The following CNBD1 variants were observed in gnomAD, a reference collection of about 807,000 sequenced individuals.
CNBD1 encodes cyclic nucleotide binding domain containing 1, also known as cyclic nucleotide-binding domain-containing protein 1.
Under a neutral mutation model 54.4 loss-of-function variants are expected in CNBD1, and 71 were observed. The observed-to-expected ratio is 1.30, with a 90% confidence interval of 1.08 to 1.59. CNBD1 has a LOEUF of 1.59. CNBD1 is among the 40% of genes most tolerant of loss of function. The pLI is 0.00. For missense variants in CNBD1, 659 were observed against 518.0 expected (o/e 1.27, Z -2.64); for synonymous variants, 182 against 170.7 (o/e 1.07, Z -0.51).
intron 8 of CNBD1, among the ~76,000 whole-genome samples, chr8:87,303,567 A>C (rs1443032326): frequency 3.3e-5 from 5 of 152,216 alleles, no homozygotes; most frequent in Admixed American, 2.0e-4. Context: ...CATTCAGGAC[A>C]TAGGCATGGG....
chr8:87,199,522 AT>A (rs1342031930), intron 4 of CNBD1, among the ~76,000 whole-genome samples: 2 of 152,128 alleles, frequency 1.3e-5, no homozygotes, highest in Non-Finnish European at 2.9e-5. Context: ...CTTTATTATT[AT>A]TTTTTTGTGA....
At chr8:87,247,987 C>G (rs1807841658) in intron 6 of CNBD1, among the ~76,000 whole-genome samples, 1 of 152,150 alleles carries the variant, frequency 6.6e-6, no homozygotes. Flanking sequence ...GTCATGGAAG[C>G]CACTTCATCC....
At chr8:87,266,181 A>T (rs570079355) in intron 6 of CNBD1, among the ~76,000 whole-genome samples, 1 of 152,038 alleles carries the variant, frequency 6.6e-6, no homozygotes, top group South Asian at 2.1e-4. Flanking sequence ...ATGCAATTCC[A>T]TTGGAAAAAA....
chr8:86,922,208 T>A (rs1226310055), intron 3 of CNBD1, among the ~76,000 whole-genome samples: 6 of 152,128 alleles, frequency 3.9e-5, no homozygotes, highest in Non-Finnish European at 8.8e-5. Context: ...AAGTTGGTAG[T>A]TGTCACCAGA....
At chr8:87,091,036 A>G (rs1206401014) in intron 4 of CNBD1, among the ~76,000 whole-genome samples, 2 of 149,702 alleles carry the variant, frequency 1.3e-5, no homozygotes, top group Non-Finnish European at 3.0e-5. Flanking sequence ...GCTACTCGGG[A>G]GGCTGAGGCA....
At chr8:87,302,537 T>A (rs1408942501) in intron 8 of CNBD1, among the ~76,000 whole-genome samples, 2 of 151,772 alleles carry the variant, frequency 1.3e-5, no homozygotes, top group East Asian at 3.9e-4. Flanking sequence ...ATATCCTGAA[T>A]GGGCAAAAAC....
At chr8:87,017,475 A>G (rs187996933) in intron 4 of CNBD1, among the ~76,000 whole-genome samples, 49 of 152,312 alleles carry the variant, frequency 3.2e-4, no homozygotes, top group African/African-American at 1.1e-3. Context: ...CTGCTTTGCT[A>G]TGGAATATTA....
chr8:87,228,406 C>T (rs1758581256), intron 5 of CNBD1, among the ~76,000 whole-genome samples: 1 of 148,852 alleles, frequency 6.7e-6, no homozygotes, highest in South Asian at 2.1e-4. Context: ...TGGTGATGTA[C>T]AGATGGGTTT....
At chr8:87,257,802 C>G (rs558319220) in intron 6 of CNBD1, among the ~76,000 whole-genome samples, 1 of 152,196 alleles carries the variant, frequency 6.6e-6, no homozygotes, top group Admixed American at 6.5e-5. Flanking sequence ...TCAGTATCAG[C>G]TGGTTTAACA....
chr8:86,937,250 G>A (rs920692916), intron 3 of CNBD1, among the ~76,000 whole-genome samples: 2 of 152,122 alleles, frequency 1.3e-5, no homozygotes, highest in Non-Finnish European at 2.9e-5. Context: ...CATGAGAACA[G>A]CATGGGAAAG....
At chr8:87,174,054 G>A (rs1340176008) in intron 4 of CNBD1, among the ~76,000 whole-genome samples, 1 of 151,986 alleles carries the variant, frequency 6.6e-6, no homozygotes, top group Non-Finnish European at 1.5e-5. Flanking sequence ...CACCTCCTAG[G>A]TTCAAGCAAT....
intron 2 of CNBD1, among the ~76,000 whole-genome samples, chr8:86,895,239 G>C (rs181602032): frequency 5.8e-5 from 8 of 137,316 alleles, no homozygotes; most frequent in South Asian, 2.2e-4. Flanking sequence ...TTTTTTCTCT[G>C]TGTGTGTGTG....
intron 6 of CNBD1, among the ~76,000 whole-genome samples, chr8:87,280,309 G>GTGCT (rs1426364502): frequency 1.3e-5 from 2 of 151,554 alleles, no homozygotes; most frequent in South Asian, 2.1e-4. Flanking sequence ...ATCTGGAGCA[G>GTGCT]TGCTTATTAC....
chr8:87,426,904 G>T (rs943228528), intron 2 of CNBD1, among the ~76,000 whole-genome samples: 24 of 152,160 alleles, frequency 1.6e-4, no homozygotes, highest in African/African-American at 4.6e-4. Context: ...AAATTTATAG[G>T]TGTGGATAAA....
chr8:87,283,624 A>G (rs957563488), intron 6 of CNBD1, among the ~76,000 whole-genome samples: 2 of 152,054 alleles, frequency 1.3e-5, no homozygotes, highest in Non-Finnish European at 2.9e-5. Flanking sequence ...TTTTCTAACA[A>G]TTCTGTCCAG....
chr8:87,314,625 A>G (rs191568254), intron 8 of CNBD1, among the ~76,000 whole-genome samples: 36 of 152,092 alleles, frequency 2.4e-4, no homozygotes, highest in Admixed American at 4.6e-4. Context: ...TTTTCTCATG[A>G]TATTATCAGA....
At chr8:87,046,079 G>A (rs1405356913) in intron 4 of CNBD1, among the ~76,000 whole-genome samples, 4 of 148,292 alleles carry the variant, frequency 2.7e-5, no homozygotes, top group Admixed American at 1.3e-4. Flanking sequence ...GTGCACAGGT[G>A]CCCCCCTACT....
intron 4 of CNBD1, among the ~76,000 whole-genome samples, chr8:87,125,789 C>T (rs1325832977): frequency 3.3e-5 from 5 of 151,220 alleles, no homozygotes; most frequent in Non-Finnish European, 7.4e-5. Context: ...CCCATCACTT[C>T]CTCATTTCCT....
At chr8:87,035,952 A>G (rs73689995) in intron 4 of CNBD1, among the ~76,000 whole-genome samples, 2,544 of 152,296 alleles carry the variant, frequency 0.017, 71 homozygotes, top group African/African-American at 0.056. Flanking sequence ...CTTTTAAGGA[A>G]GATGCTGGGA....
Sources: gnomAD v4.1 joint callset for allele counts (sites outside exome capture counted in the v4.1 genomes callset) on GRCh38, gnomAD v4.1.1 for gene constraint, MANE v1.5 for transcripts, NCBI Gene and HGNC (gene_info 2026-07-23, HGNC 2026-07-21) for gene names.